NQO1: variants seen among roughly 807,000 people sequenced by gnomAD.
NQO1 encodes the protein NAD(P)H quinone dehydrogenase 1, also known as NAD(P)H dehydrogenase [quinone] 1.
In NQO1, 30 loss-of-function variants were observed where a neutral mutation model predicts 32.1. The ratio of observed to expected loss-of-function variants is 0.94; its 90% CI spans 0.70 to 1.27. The LOEUF is 1.27. Ranked by LOEUF, NQO1 falls within the 50% of genes most tolerant of loss-of-function variation. The pLI, the probability that NQO1 is intolerant of heterozygous loss-of-function variation, is 0.00. For synonymous variants in NQO1, 109 were observed against 119.7 expected, an observed-to-expected ratio of 0.91 and a Z score of 0.59; for missense variants, 276 against 331.3, an observed-to-expected ratio of 0.83 and a Z score of 1.30.
intron 4 of NQO1, 142 bp from the exon 5 acceptor site, chr16:69,713,271 G>A (rs527674173): frequency 1.5e-6 from 1 of 658,436 alleles, no homozygotes; most frequent in East Asian, 2.7e-5. Flanking sequence ...TGGCTCCCCT[G>A]AGCTACATAA....
chr16:69,711,077 C>CT lies in NQO1; in HGVS notation c.723dup (p.Glu242ArgfsTer5). ...TTGTTTTTCTCCTCATCCTGTACCT[C>CT]TTTTTTCATTAAGAATCCTGCCTGG... On this transcript the variant is annotated frameshift_variant, in exon 6 of 6. Transcript: ENST00000320623. LOFTEE classifies it high-confidence loss of function. 1.2e-6 allele frequency: 2 copies of CT among 1,614,202 alleles called. No individual in the cohort carries two copies. The highest frequency in any genetic ancestry group is 2.2e-5 in the South Asian group (2 of 91,086).
At chr16:69,726,392 G>C (rs374546681) in intron 1 of NQO1, 41 bp downstream of exon 1, 9 of 1,610,974 alleles carry the variant, frequency 5.6e-6, no homozygotes, top group South Asian at 2.2e-5. Flanking sequence ...ACCAGTGCTC[G>C]AGAGACGACC....
Position 69,710,886 on chromosome 16 carries a change from A to T in NQO1, c.*90T>A, listed in dbSNP as rs1263161891. On this transcript the variant is annotated 3_prime_UTR_variant, in exon 6 of 6. Transcript: ENST00000320623. ...TTATTCCTTGTGGAAAAAGAAAAAC[A>T]CAAATCTTAAAAACTAAAGCAAGTC... The T allele has an allele frequency of 5.8e-6, 8 of 1,382,458 alleles. No homozygotes were observed. Among genetic ancestry groups the T allele is most frequent in the Non-Finnish European group, 7.9e-6 (8 of 1,017,228 alleles). 85.6% of individuals were successfully genotyped at this position (1,382,458 alleles called of 1,614,324 possible). A position where few individuals can be genotyped will look rare whatever the true frequency, so the allele number is the denominator to read the frequency against.
Position 69,711,120 on chromosome 16 carries a change from G to T in NQO1, c.681C>A (p.Ser227Arg). ...CTGCCTGGAAGTTTAGGTCAAAGAG[G>T]CTGCTTGGAGCAAAATACAGTGGTG... ...DETPLYFAPS[S>R]LFDLNFQAGF... Residue 227 changes from serine to arginine, a missense_variant, in exon 6 of 6, where the codon AGC becomes AGA. Coordinates refer to ENST00000320623, the MANE Select transcript of NQO1 (RefSeq NM_000903.3). The T allele has an allele frequency of 6.2e-7, 1 of 1,614,164 alleles. No homozygotes were observed. Among genetic ancestry groups the T allele is most frequent in the Non-Finnish European group, 8.5e-7 (1 of 1,180,038 alleles).
intron 1 of NQO1, among the ~76,000 whole-genome samples, chr16:69,719,688 G>C (rs762189520): frequency 6.6e-6 from 1 of 152,084 alleles, no homozygotes; most frequent in Non-Finnish European, 1.5e-5. Context: ...CAGGAGAATC[G>C]CTTGAACCCA....
Position 69,711,242 on chromosome 16 carries a change from G to C in NQO1, c.559C>G (p.Pro187Ala). 1 of 1,610,530 alleles carries C rather than the reference G, an allele frequency of 6.2e-7. No individual in the cohort carries two copies. Residue 187 changes from proline to alanine, a missense_variant, in exon 6 of 6, where the codon CCT becomes GCT. Transcript: ENST00000320623. ...LHFCGFQVLE[P>A]QLTYSIGHTP... ...TGCCCAATGCTATATGTCAGTTGAG[G>C]TTCTAAGACTTGGAAGCCACAGAAA...
At chr16:69,712,146 G>C (rs546887548) in intron 5 of NQO1, among the ~76,000 whole-genome samples, 1 of 151,986 alleles carries the variant, frequency 6.6e-6, no homozygotes, top group Non-Finnish European at 1.5e-5. Flanking sequence ...GGCATGCAGT[G>C]GTGTGATCAT....
At chr16:69,711,654 C>CTT (rs903633662) in intron 5 of NQO1, among the ~76,000 whole-genome samples, 19 of 136,702 alleles carry the variant, frequency 1.4e-4, no homozygotes, top group South Asian at 2.4e-4. Context: ...TTTTCTTTTT[C>CTT]TTTTTTTTTT....
rs1303513648 is a variant in NQO1 at position 69,710,348 on chromosome 16, A to T, written c.*628T>A. ...ACTGCTTCAAAAAAAAATTTTTTTT[A>T]ATTAAAAAAAAAGTAGATGACTGCA... is the stretch of plus-strand genomic sequence containing the variant. On this transcript the variant is annotated 3_prime_UTR_variant, in exon 6 of 6. Coordinates refer to ENST00000320623, the MANE Select transcript of NQO1 (RefSeq NM_000903.3). 1 of 151,758 alleles carries T rather than the reference A, an allele frequency of 6.6e-6. No homozygotes were observed. Among genetic ancestry groups the T allele is most frequent in the Non-Finnish European group, 1.5e-5 (1 of 67,964 alleles). The allele number at this position is 151,758 out of a possible 1,614,324, so 9.4% of individuals were successfully genotyped here.
At chr16:69,717,274 G>A (rs188773748) in intron 3 of NQO1, among the ~76,000 whole-genome samples, 8 of 152,300 alleles carry the variant, frequency 5.3e-5, no homozygotes, top group Admixed American at 2.0e-4. Flanking sequence ...AGCATTGTCT[G>A]CTAAACGGTA....
rs377088333 is a variant in NQO1, at chr16:69,726,521, G to A, written c.-82C>T. The A allele has an allele frequency of 2.3e-5, 36 of 1,573,552 alleles. No individual in the cohort carries two copies. The African/African-American group carries it at 3.7e-4, about 16-fold the overall frequency. On this transcript the variant is annotated 5_prime_UTR_variant, in exon 1 of 6. Coordinates refer to ENST00000320623, the MANE Select transcript of NQO1 (RefSeq NM_000903.3). ...CTGGCCGGAACTAGGCTCTCGGTGA[G>A]CTGGGCGGCTCCGGCTGCAACCTTG...
At chr16:69,724,080 G>A (rs1287316611) in intron 1 of NQO1, among the ~76,000 whole-genome samples, 2 of 151,778 alleles carry the variant, frequency 1.3e-5, no homozygotes, top group Non-Finnish European at 2.9e-5. Flanking sequence ...TTGGGAGACC[G>A]AGGCGGGTGG....
intron 4 of NQO1, among the ~76,000 whole-genome samples, chr16:69,713,373 C>T (rs754712473): frequency 5.3e-5 from 8 of 152,248 alleles, no homozygotes; most frequent in Non-Finnish European, 1.2e-4. Flanking sequence ...TGGCTTAGGA[C>T]GAGGCTGTCA....
chr16:69,722,157 T>C (rs1407871322), intron 1 of NQO1, among the ~76,000 whole-genome samples: 1 of 47,910 alleles, frequency 2.1e-5, no homozygotes, highest in Non-Finnish European at 4.0e-5. Context: ...GCAACTTTTT[T>C]GGCAGGGTGG....
Position 69,718,476 on chromosome 16 carries a change from C to T in NQO1, c.66G>A (p.Met22Ile), listed in dbSNP as rs750671108. ...TCAAAGCCGCTGCAGCAGCCTCCTT[C>T]ATGGCATAGTTGAAGGACGTCCTCT... Reference protein sequence around the residue: ...HSERTSFNYAMKEAAAAALKK... With the variant: ...HSERTSFNYAIKEAAAAALKK... The change falls in exon 2 of 6, where the codon ATG becomes ATA. Residue 22 changes from methionine (M) to isoleucine (I), a missense_variant. By Grantham distance (10) the Met-to-Ile change is conservative. Coordinates refer to ENST00000320623, the MANE Select transcript of NQO1 (RefSeq NM_000903.3). The T allele has an allele frequency of 5.6e-6, 9 of 1,614,202 alleles. No individual in the cohort carries two copies. The East Asian group carries it at 2.0e-4, about 36-fold the overall frequency.
At chr16:69,711,684 C>T (rs1443436707) in intron 5 of NQO1, among the ~76,000 whole-genome samples, 1 of 147,846 alleles carries the variant, frequency 6.8e-6, no homozygotes, top group South Asian at 2.1e-4. Context: ...GGCAGAGTCT[C>T]GCTCGGTCGT....
intron 3 of NQO1, among the ~76,000 whole-genome samples, chr16:69,716,058 T>C (rs1291454091): frequency 5.3e-5 from 8 of 151,614 alleles, no homozygotes; most frequent in Admixed American, 5.3e-4. Flanking sequence ...GTCCCAGCTA[T>C]ATGAGAGGCT....
At chr16:69,713,374 G>A (rs1044324550) in intron 4 of NQO1, among the ~76,000 whole-genome samples, 3 of 152,320 alleles carry the variant, frequency 2.0e-5, no homozygotes, top group East Asian at 1.9e-4. Context: ...GGCTTAGGAC[G>A]AGGCTGTCAC....
intron 1 of NQO1, among the ~76,000 whole-genome samples, chr16:69,724,866 T>G (rs1017835095): frequency 1.3e-5 from 2 of 152,212 alleles, no homozygotes; most frequent in Non-Finnish European, 2.9e-5. Context: ...ACCTCAAGAT[T>G]TGGTTAGCTG....
Sources: allele counts gnomAD v4.1 joint callset (sites outside exome capture counted in the v4.1 genomes callset), GRCh38; gene constraint gnomAD v4.1.1; transcripts MANE v1.5; gene names NCBI Gene and HGNC (gene_info 2026-07-23, HGNC 2026-07-21).